SLC24A3: variants seen among roughly 807,000 people sequenced by gnomAD.
SLC24A3 encodes sodium/potassium/calcium exchanger 3.
Under a neutral mutation model 75.8 loss-of-function variants are expected in SLC24A3, and 28 were observed. The observed-to-expected ratio is 0.37, with a 90% CI of 0.27 to 0.51. The LOEUF is 0.51. Ranked by LOEUF, SLC24A3 falls within the 20% of genes least tolerant of loss-of-function variation. SLC24A3 has a pLI of 0.94. For synonymous variants in SLC24A3, 372 were observed against 334.1 expected (o/e 1.11, Z -1.24); for missense variants, 663 against 847.8 (o/e 0.78, Z 2.71).
intron 3 of SLC24A3, among the ~76,000 whole-genome samples, chr20:19,530,888 A>G (rs985984293): frequency 2.6e-5 from 4 of 152,226 alleles, no homozygotes; most frequent in African/African-American, 7.2e-5. Flanking sequence ...GTATGGCTCC[A>G]TGCCCTGGGG....
chr20:19,318,419 C>T (rs1249636078), intron 2 of SLC24A3, among the ~76,000 whole-genome samples: 1 of 152,138 alleles, frequency 6.6e-6, no homozygotes, highest in Non-Finnish European at 1.5e-5. Flanking sequence ...CCAAGAAAGA[C>T]CAGAGCCAGG....
intron 2 of SLC24A3, among the ~76,000 whole-genome samples, chr20:19,306,902 C>T (rs920576031): frequency 6.6e-6 from 1 of 151,708 alleles, no homozygotes; most frequent in Non-Finnish European, 1.5e-5. Context: ...AAACAAAAAC[C>T]TCTCACGTGA....
chr20:19,581,358 A>G (rs1003435385), intron 4 of SLC24A3, among the ~76,000 whole-genome samples: 1 of 152,000 alleles, frequency 6.6e-6, no homozygotes, highest in Non-Finnish European at 1.5e-5. Flanking sequence ...TTCCCATGCA[A>G]TTTTTTTGGT....
chr20:19,479,367 T>A (rs151302377), intron 2 of SLC24A3, among the ~76,000 whole-genome samples: 19 of 152,362 alleles, frequency 1.2e-4, no homozygotes, highest in African/African-American at 4.6e-4. Flanking sequence ...GAGTGAAACT[T>A]GCACCTCTAG....
chr20:19,371,325 C>T (rs546584418), intron 2 of SLC24A3, among the ~76,000 whole-genome samples: 1 of 152,014 alleles, frequency 6.6e-6, no homozygotes, highest in South Asian at 2.1e-4. Context: ...GTGGAGAGGG[C>T]AGGCCCTGGG....
intron 6 of SLC24A3, among the ~76,000 whole-genome samples, chr20:19,590,971 C>G (rs1039166676): frequency 2.6e-5 from 4 of 152,204 alleles, no homozygotes; most frequent in Non-Finnish European, 5.9e-5. Context: ...AGTCTTATGA[C>G]TGACCATCTG....
intron 1 of SLC24A3, among the ~76,000 whole-genome samples, chr20:19,222,918 A>G (rs1981767908): frequency 6.6e-6 from 1 of 152,080 alleles, no homozygotes; most frequent in Non-Finnish European, 1.5e-5. Context: ...AGAAGTAAAG[A>G]GAAGGCTTAA....
chr20:19,661,161 C>G (rs2032322103), intron 7 of SLC24A3, among the ~76,000 whole-genome samples: 1 of 152,020 alleles, frequency 6.6e-6, no homozygotes, highest in South Asian at 2.1e-4. Context: ...GTTTAACAAC[C>G]CCCATCTCCT....
At chr20:19,238,337 C>G (rs978987724) in intron 1 of SLC24A3, among the ~76,000 whole-genome samples, 2 of 152,180 alleles carry the variant, frequency 1.3e-5, no homozygotes, top group Non-Finnish European at 2.9e-5. Context: ...ATTATTGTTG[C>G]CGTTCACAGT....
At chr20:19,517,390 T>A (rs1568641624) in intron 3 of SLC24A3, among the ~76,000 whole-genome samples, 1 of 152,300 alleles carries the variant, frequency 6.6e-6, no homozygotes, top group East Asian at 1.9e-4. Context: ...CTGGACTCAC[T>A]GAGTCATCAG....
At chr20:19,272,283 C>G (rs1033332869) in intron 1 of SLC24A3, among the ~76,000 whole-genome samples, 1 of 152,242 alleles carries the variant, frequency 6.6e-6, no homozygotes, top group African/African-American at 2.4e-5. Context: ...AGTGAGGGGC[C>G]TTCCTGGTCC....
At chr20:19,403,951 G>A (rs1600466884) in intron 2 of SLC24A3, among the ~76,000 whole-genome samples, 1 of 152,224 alleles carries the variant, frequency 6.6e-6, no homozygotes, top group East Asian at 1.9e-4. Context: ...ACAGGTAAAA[G>A]CAGCTGTGCT....
intron 2 of SLC24A3, among the ~76,000 whole-genome samples, chr20:19,403,613 G>A (rs1452278445): frequency 2.0e-5 from 3 of 152,156 alleles, no homozygotes; most frequent in African/African-American, 7.2e-5. Flanking sequence ...AAATAACGGG[G>A]CCTCAGACAT....
At chr20:19,241,471 AT>A (rs1171459638) in intron 1 of SLC24A3, among the ~76,000 whole-genome samples, 1 of 152,042 alleles carries the variant, frequency 6.6e-6, no homozygotes, top group Non-Finnish European at 1.5e-5. Flanking sequence ...CGGTTTCTCC[AT>A]TTCTCCATTC....
chr20:19,486,105 T>TCACCAG (rs1988123693), intron 2 of SLC24A3, among the ~76,000 whole-genome samples: 1 of 152,142 alleles, frequency 6.6e-6, no homozygotes, highest in Admixed American at 6.5e-5. Context: ...TCAGGTTCAC[T>TCACCAG]CACCAGCATG....
Position 19,701,357 on chromosome 20 carries a change from T to TAA in SLC24A3, c.1719+2685_1719+2686dup, listed in dbSNP as rs11481137. ...GGTGCCCCCCGAAACATATTTTTATTAAAAAAAAACATTAATTCAGCATTT... is the reference window on the plus strand; with the variant it reads ...GGTGCCCCCCGAAACATATTTTTATTAAAAAAAAAAACATTAATTCAGCATTT... On this transcript the variant is annotated intron_variant, in intron 15 of 16. Coordinates refer to ENST00000328041, the MANE Select transcript of SLC24A3 (RefSeq NM_020689.4). Among the ~76,000 whole-genome samples the TAA allele has an allele frequency of 6.5e-3, 979 of 150,952 alleles. 7 individuals carry two copies. Among genetic ancestry groups the TAA allele is most frequent in the African/African-American group, 0.021 (864 of 41,092 alleles).
At chr20:19,631,320 C>G (rs2031930428) in intron 6 of SLC24A3, among the ~76,000 whole-genome samples, 1 of 152,132 alleles carries the variant, frequency 6.6e-6, no homozygotes, top group Non-Finnish European at 1.5e-5. Flanking sequence ...GTGCTCCAGC[C>G]TGGGTGACAG....
At chr20:19,512,332 G>A (rs2029899049) in intron 2 of SLC24A3, among the ~76,000 whole-genome samples, 1 of 152,176 alleles carries the variant, frequency 6.6e-6, no homozygotes, top group Non-Finnish European at 1.5e-5. Context: ...CCCCTGCCCG[G>A]CCAGGACTTT....
intron 2 of SLC24A3, among the ~76,000 whole-genome samples, chr20:19,367,055 T>G (rs1203688427): frequency 6.6e-6 from 1 of 152,268 alleles, no homozygotes; most frequent in African/African-American, 2.4e-5. Flanking sequence ...CAACAGCCAC[T>G]TGCCAATGTG....
Sources: allele counts gnomAD v4.1 joint callset (sites outside exome capture counted in the v4.1 genomes callset), GRCh38; gene constraint gnomAD v4.1.1; transcripts MANE v1.5; gene names NCBI Gene and HGNC (gene_info 2026-07-23, HGNC 2026-07-21).